Variants in RARB observed in about 807,000 individuals in gnomAD.
RARB encodes the protein retinoic acid receptor beta.
Under a neutral mutation model 51.9 loss-of-function variants are expected in RARB, and 17 were observed. The observed-to-expected ratio is 0.33, with a 90% CI of 0.22 to 0.49. RARB has a LOEUF of 0.49. Among genes scored for constraint, RARB ranks in the 20% least tolerant of loss-of-function variants. The probability of loss-of-function intolerance (pLI) is 0.99; values close to 1 mark genes in which losing one functional copy is unlikely to be tolerated. For missense variants in RARB, 369 were observed against 550.8 expected, an observed-to-expected ratio of 0.67 and a Z score of 3.30; for synonymous variants, 215 against 195.4, an observed-to-expected ratio of 1.10 and a Z score of -0.84.
chr3:25,303,033 C>A (rs921941272), intron 5 of RARB, among the ~76,000 whole-genome samples: 2 of 152,186 alleles, frequency 1.3e-5, no homozygotes, highest in African/African-American at 4.8e-5. Flanking sequence ...TCAATGCTCT[C>A]TTTAGAATGT....
At chr3:25,292,536 A>G (rs189033900) in intron 5 of RARB, among the ~76,000 whole-genome samples, 302 of 152,330 alleles carry the variant, frequency 2.0e-3, no homozygotes, top group African/African-American at 6.6e-3. Context: ...AAAGTAGATT[A>G]TAAGATGAAA....
At chr3:25,041,966 C>T (rs888571126) in intron 2 of RARB, among the ~76,000 whole-genome samples, 4 of 152,034 alleles carry the variant, frequency 2.6e-5, no homozygotes, top group East Asian at 1.9e-4. Context: ...ATCACAAATC[C>T]GCTGTCCCCA....
At chr3:24,918,753 T>C (rs914565420) in intron 2 of RARB, among the ~76,000 whole-genome samples, 1 of 152,064 alleles carries the variant, frequency 6.6e-6, no homozygotes, top group Admixed American at 6.6e-5. Flanking sequence ...TAGCTGGTCG[T>C]GGTGGCGGGT....
At chr3:25,306,749 G>C (rs1022709291) in intron 5 of RARB, among the ~76,000 whole-genome samples, 37 of 152,360 alleles carry the variant, frequency 2.4e-4, no homozygotes, top group African/African-American at 8.4e-4. Flanking sequence ...TAGTTGGAAA[G>C]AATGTCTGCC....
chr3:25,041,926 A>G (rs1436704173), intron 2 of RARB, among the ~76,000 whole-genome samples: 2 of 152,144 alleles, frequency 1.3e-5, no homozygotes, highest in Non-Finnish European at 2.9e-5. Flanking sequence ...AAAAGGAAGG[A>G]CTGAATTGAT....
chr3:25,499,327 G>T (rs139677191), intron 2 of RARB, among the ~76,000 whole-genome samples: 1 of 152,150 alleles, frequency 6.6e-6, no homozygotes, highest in Non-Finnish European at 1.5e-5. Context: ...GTAGTTTCTC[G>T]TGTAGGTATA....
chr3:25,428,297 G>A lies in RARB; in HGVS notation c.-435G>A, dbSNP rs1708057322. On this transcript the variant is annotated 5_prime_UTR_variant, in exon 1 of 8. Transcript: ENST00000330688. ...GTAGTAGGAAGTGAGCTGTTCAGAGGCAGGAGGGTCTATTCTTTGCCAAAG... is the reference window on the plus strand; with the variant it reads ...GTAGTAGGAAGTGAGCTGTTCAGAGACAGGAGGGTCTATTCTTTGCCAAAG... The A allele has an allele frequency of 2.4e-6, 3 of 1,241,234 alleles. No individual in the cohort carries two copies. Among genetic ancestry groups the A allele is most frequent in the Non-Finnish European group, 3.0e-6 (3 of 993,216 alleles). 76.9% of individuals were successfully genotyped at this position (1,241,234 alleles called of 1,614,324 possible).
intron 5 of RARB, among the ~76,000 whole-genome samples, chr3:25,338,096 AACACACACACACACACACACAC>A (rs10523484): frequency 5.8e-4 from 84 of 144,052 alleles, no homozygotes; most frequent in Admixed American, 1.1e-3. Context: ...CCAAACCCCC[AACACACACACACACACACACAC>A]ACACACACAC....
intron 2 of RARB, among the ~76,000 whole-genome samples, chr3:24,879,133 T>C (rs1468310387): frequency 6.6e-6 from 1 of 152,106 alleles, no homozygotes; most frequent in East Asian, 1.9e-4. Context: ...AGGCCTGAGT[T>C]AAAAATTGAG....
intron 5 of RARB, among the ~76,000 whole-genome samples, chr3:25,355,698 A>G (rs1705712676): frequency 1.3e-5 from 2 of 152,178 alleles, no homozygotes; most frequent in South Asian, 4.1e-4. Flanking sequence ...TCAGACTGAA[A>G]GCAAAACGAA....
intron 5 of RARB, among the ~76,000 whole-genome samples, chr3:25,410,167 G>T (rs559765338): frequency 6.6e-6 from 1 of 152,152 alleles, no homozygotes; most frequent in African/African-American, 2.4e-5. Context: ...ACAGAGTGTG[G>T]GTTAGTCTGT....
intron 5 of RARB, among the ~76,000 whole-genome samples, chr3:25,317,837 T>C (rs950255758): frequency 6.6e-6 from 1 of 152,170 alleles, no homozygotes; most frequent in African/African-American, 2.4e-5. Flanking sequence ...ATAAAAACAT[T>C]ATTGGGGTAC....
At chr3:25,098,844 T>C (rs988082520) in intron 3 of RARB, among the ~76,000 whole-genome samples, 5 of 152,226 alleles carry the variant, frequency 3.3e-5, no homozygotes, top group African/African-American at 9.6e-5. Context: ...GCCTAACATA[T>C]TATCTTCCTC....
chr3:25,392,150 C>G (rs1706981007), intron 5 of RARB, among the ~76,000 whole-genome samples: 1 of 152,092 alleles, frequency 6.6e-6, no homozygotes, highest in African/African-American at 2.4e-5. Context: ...AATAGGGTGT[C>G]CTTTCCCCAC....
chr3:25,276,013 A>G (rs777792327), intron 5 of RARB, among the ~76,000 whole-genome samples: 1 of 152,218 alleles, frequency 6.6e-6, no homozygotes, highest in Non-Finnish European at 1.5e-5. Context: ...ACATGAAGCT[A>G]GGATATCCCT....
intron 5 of RARB, among the ~76,000 whole-genome samples, chr3:25,256,178 T>C (rs887152777): frequency 2.0e-5 from 3 of 152,202 alleles, no homozygotes; most frequent in Non-Finnish European, 4.4e-5. Flanking sequence ...CAACACCTAT[T>C]GTATACTCGT....
chr3:25,383,668 C>T (rs954170916), intron 5 of RARB, among the ~76,000 whole-genome samples: 3 of 152,132 alleles, frequency 2.0e-5, no homozygotes, highest in Non-Finnish European at 4.4e-5. Context: ...TGGCTCACGC[C>T]TGTAATCCCA....
chr3:25,379,738 T>C (rs112499591), intron 5 of RARB, among the ~76,000 whole-genome samples: 2 of 152,150 alleles, frequency 1.3e-5, no homozygotes, highest in South Asian at 2.1e-4. Flanking sequence ...TGAGACATTG[T>C]TTATTTTACA....
intron 5 of RARB, among the ~76,000 whole-genome samples, chr3:25,245,163 C>G (rs560989039): frequency 3.9e-5 from 6 of 152,116 alleles, no homozygotes; most frequent in Non-Finnish European, 7.4e-5. Flanking sequence ...CTTGGTAAAT[C>G]TTCCTCCATC....
Sources: allele counts gnomAD v4.1 joint callset (sites outside exome capture counted in the v4.1 genomes callset), GRCh38; gene constraint gnomAD v4.1.1; transcripts MANE v1.5; gene names NCBI Gene and HGNC (gene_info 2026-07-23, HGNC 2026-07-21).